The following KLRG1 variants were observed in gnomAD, a reference collection of about 807,000 sequenced individuals.
The protein encoded by KLRG1 is killer cell lectin-like receptor subfamily G member 1.
Under a neutral mutation model 21.8 loss-of-function variants are expected in KLRG1, and 16 were observed. The observed-to-expected ratio is 0.73, with a 90% CI of 0.50 to 1.11. KLRG1 has a LOEUF of 1.11. Among genes scored for constraint, KLRG1 ranks in the 50% most tolerant of loss-of-function variants. The probability of loss-of-function intolerance (pLI) is 0.00; values close to 1 mark genes in which losing one functional copy is unlikely to be tolerated. For synonymous variants in KLRG1, 69 were observed against 75.9 expected, an observed-to-expected ratio of 0.91 and a Z score of 0.47; for missense variants, 173 against 218.3, an observed-to-expected ratio of 0.79 and a Z score of 1.31.
chr12:9,101,171 G>T, the KLRG1 span: 1 of 1,561,776 alleles, frequency 6.4e-7, no homozygotes, highest in Non-Finnish European at 8.7e-7. Context: ...AGCAGTCCAT[G>T]AGTCCCAGTT....
chr12:9,169,384 T>G, the KLRG1 span: 1 of 1,479,194 alleles, frequency 6.8e-7, no homozygotes. Context: ...TTATTAACAT[T>G]CAAAAACTCA....
rs983802750 is a variant in KLRG1, at chr12:8,999,457, C to G, written c.357+4169C>G. Among the ~76,000 whole-genome samples, 9 of 152,324 alleles carry G rather than the reference C, an allele frequency of 5.9e-5. No homozygotes were observed. The East Asian group carries it at 1.7e-3, about 29-fold the overall frequency. On this transcript the variant is annotated intron_variant, in intron 3 of 4. Coordinates refer to ENST00000356986, the MANE Select transcript of KLRG1 (RefSeq NM_005810.4). ...GCAACAACCTCTCATTCAACTTTAC[C>G]TATCTTCCTGACCTTGGGATTCCCC...
At position 8,956,811 on chromosome 12, in the gene KLRG1, A is replaced by G. The variant is rs182998566; in HGVS notation, c.-156+6575A>G. On this transcript the variant is annotated intron_variant, in intron 1 of 4. Coordinates refer to the KLRG1 transcript ENST00000539240. The stretch of plus-strand genomic sequence containing the variant: ...GGACGCCACTGCGTTCCCTTCGTTC[A>G]TATGCCAGTGCCCAAGGCAGAAGCT... Among the ~76,000 whole-genome samples, 308 of 152,316 alleles carry G rather than the reference A, an allele frequency of 2.0e-3. 1 individual carries two copies. The highest frequency in any genetic ancestry group is 3.8e-3 in the Non-Finnish European group (260 of 68,022).
At chr12:9,149,695 G>T in the KLRG1 span, 1 of 1,203,606 alleles carries the variant, frequency 8.3e-7, no homozygotes, top group Non-Finnish European at 1.2e-6. Context: ...CTGGAGAAAA[G>T]CACGCCCTAT....
At chr12:9,123,824 CTCTATGCCTAATTCAATG>C in the KLRG1 span, among the ~76,000 whole-genome samples, 265 of 142,340 alleles carry the variant, frequency 1.9e-3, no homozygotes, top group African/African-American at 7.1e-3. Context: ...TAGTAATTTC[CTCTATGCCTAATTCAATG>C]GCTTTTTTTT....
At chr12:9,127,469 T>G in the KLRG1 span, among the ~76,000 whole-genome samples, 1 of 152,130 alleles carries the variant, frequency 6.6e-6, no homozygotes, top group African/African-American at 2.4e-5. Context: ...CAATTAAAAT[T>G]TCCGATTCCT....
chr12:9,088,593 T>G, the KLRG1 span, among the ~76,000 whole-genome samples: 1 of 152,136 alleles, frequency 6.6e-6, no homozygotes, highest in Non-Finnish European at 1.5e-5. Flanking sequence ...GCAATGAACC[T>G]ATGTATGATG....
At chr12:9,182,091 G>A in the KLRG1 span, 3 of 1,612,512 alleles carry the variant, frequency 1.9e-6, no homozygotes, top group African/African-American at 1.3e-5. Flanking sequence ...GACTCCACAG[G>A]GAAGGATAAG....
chr12:9,030,003 C>T, the KLRG1 span, among the ~76,000 whole-genome samples: 16 of 152,344 alleles, frequency 1.1e-4, no homozygotes, highest in Non-Finnish European at 2.1e-4. Flanking sequence ...ATCCACCTGC[C>T]TTGGCCTCCC....
the KLRG1 span, chr12:9,194,196 G>A: frequency 1.2e-6 from 2 of 1,613,760 alleles, no homozygotes; most frequent in Non-Finnish European, 1.7e-6. Flanking sequence ...ATGAAGAAGA[G>A]TTTATTGGGG....
the KLRG1 span, chr12:9,074,758 A>G: frequency 2.5e-6 from 4 of 1,613,232 alleles, no homozygotes; most frequent in South Asian, 4.4e-5. Context: ...TGGGTTTCTG[A>G]GGGCGCTCCC....
At chr12:9,192,357 A>C in the KLRG1 span, 1 of 1,342,548 alleles carries the variant, frequency 7.4e-7, no homozygotes, top group Non-Finnish European at 1.1e-6. Context: ...TCTGTGCTGG[A>C]GAGAATCAAC....
At chr12:9,069,003 T>C in the KLRG1 span, 1 of 522,438 alleles carries the variant, frequency 1.9e-6, no homozygotes, top group Non-Finnish European at 3.3e-6. Flanking sequence ...GAGGGGATGA[T>C]AAATTCTCCA....
the KLRG1 span, chr12:9,196,797 T>A: frequency 1.1e-6 from 1 of 915,886 alleles, no homozygotes; most frequent in Non-Finnish European, 1.7e-6. Flanking sequence ...TTAAGTAAGT[T>A]AATTGACCTT....
At chr12:9,144,226 G>A in the KLRG1 span, among the ~76,000 whole-genome samples, 4 of 152,156 alleles carry the variant, frequency 2.6e-5, no homozygotes, top group African/African-American at 9.7e-5. Context: ...GGATGAGGGA[G>A]GAGGAGGGGA....
intron 3 of KLRG1, among the ~76,000 whole-genome samples, chr12:9,004,063 A>G (rs1181226621): frequency 1.3e-5 from 2 of 151,918 alleles, no homozygotes; most frequent in Non-Finnish European, 2.9e-5. Context: ...ATAGTATTCC[A>G]TGGTGTATAT....
At chr12:9,157,566 A>T in the KLRG1 span, among the ~76,000 whole-genome samples, 21 of 152,328 alleles carry the variant, frequency 1.4e-4, no homozygotes, top group South Asian at 4.4e-3. Flanking sequence ...TGTTTTTAGG[A>T]TTGGTTTTGA....
intron 3 of KLRG1, among the ~76,000 whole-genome samples, chr12:8,996,160 CAT>C (rs1491481510): frequency 5.3e-5 from 8 of 152,050 alleles, no homozygotes; most frequent in African/African-American, 1.9e-4. Flanking sequence ...CGTGCACGTG[CAT>C]GTGTGTGTGT....
At chr12:9,077,904 T>G in the KLRG1 span, 19 of 1,612,200 alleles carry the variant, frequency 1.2e-5, no homozygotes, top group Admixed American at 2.8e-4. Flanking sequence ...TCAAAATGGT[T>G]TTATAACCAC....
Sources: allele counts gnomAD v4.1 joint callset (sites outside exome capture counted in the v4.1 genomes callset), GRCh38; gene constraint gnomAD v4.1.1; transcripts MANE v1.5; gene names NCBI Gene and HGNC (gene_info 2026-07-23, HGNC 2026-07-21).